The following SLC2A13 variants were observed in gnomAD, a reference collection of about 807,000 sequenced individuals.
SLC2A13 encodes the protein proton myo-inositol cotransporter.
SLC2A13 carries 32 observed loss-of-function variants against 64.4 expected under a neutral mutation model. The observed-to-expected ratio is 0.50, with a 90% CI of 0.37 to 0.67. The LOEUF is 0.67. Ranked by LOEUF, SLC2A13 falls within the 30% of genes least tolerant of loss-of-function variation. The probability of loss-of-function intolerance (pLI) is 0.00; values close to 1 mark genes in which losing one functional copy is unlikely to be tolerated. For synonymous variants in SLC2A13, 338 were observed against 327.1 expected (o/e 1.03, Z -0.36); for missense variants, 743 against 829.2 (o/e 0.90, Z 1.28).
At chr12:40,057,001 A>C (rs991710435) in intron 1 of SLC2A13, among the ~76,000 whole-genome samples, 4 of 152,166 alleles carry the variant, frequency 2.6e-5, no homozygotes, top group African/African-American at 9.7e-5. Context: ...CAAAACAAAC[A>C]AACAAAAAAA....
intron 6 of SLC2A13, among the ~76,000 whole-genome samples, chr12:39,856,883 C>A (rs956682848): frequency 6.6e-6 from 1 of 152,066 alleles, no homozygotes; most frequent in Non-Finnish European, 1.5e-5. Context: ...TTTTTAGGGG[C>A]CTTGTTTCAT....
chr12:40,032,146 T>C (rs1947915133), intron 2 of SLC2A13, among the ~76,000 whole-genome samples: 1 of 152,154 alleles, frequency 6.6e-6, no homozygotes, highest in South Asian at 2.1e-4. Flanking sequence ...GGAGTTGTTT[T>C]ATTAAAAGCT....
chr12:39,840,121 T>G (rs1032052967), intron 6 of SLC2A13, among the ~76,000 whole-genome samples: 3 of 152,042 alleles, frequency 2.0e-5, no homozygotes, highest in African/African-American at 7.2e-5. Flanking sequence ...AACCTCCGCC[T>G]CCTGGGTTTA....
chr12:40,099,898 T>C (rs999967045), intron 1 of SLC2A13, among the ~76,000 whole-genome samples: 3 of 148,960 alleles, frequency 2.0e-5, no homozygotes, highest in South Asian at 2.1e-4. Context: ...TGGGGAGTAG[T>C]GGAAAAAAAA....
chr12:40,007,177 A>G (rs1346158885), intron 3 of SLC2A13, among the ~76,000 whole-genome samples: 1 of 152,206 alleles, frequency 6.6e-6, no homozygotes, highest in African/African-American at 2.4e-5. Context: ...AAGTGGGCAC[A>G]TAGATGCTGC....
rs1312476077 is a variant in SLC2A13 at position 39,837,501 on chromosome 12, A to C, written c.1320-7273T>G. On this transcript the variant is annotated intron_variant, in intron 6 of 9. Coordinates refer to ENST00000280871, the MANE Select transcript of SLC2A13 (RefSeq NM_052885.4). ...CAAAATTGACAAATGGGATCTAATT[A>C]AACTAAAGAGCTTCTGCACAGCAAA... is the stretch of plus-strand genomic sequence containing the variant. Among the ~76,000 whole-genome samples the C allele has an allele frequency of 5.7e-3, 803 of 140,588 alleles. 10 individuals are homozygous for C. The highest frequency in any genetic ancestry group is 0.02 in the African/African-American group (757 of 37,228). The allele number at this position is 140,588 out of a possible 152,430, so 92.2% of individuals were successfully genotyped here. A position where few individuals can be genotyped will look rare whatever the true frequency, so the allele number is the denominator to read the frequency against.
intron 3 of SLC2A13, among the ~76,000 whole-genome samples, chr12:39,954,038 A>G (rs1335889199): frequency 1.3e-5 from 2 of 152,246 alleles, no homozygotes; most frequent in Non-Finnish European, 2.9e-5. Flanking sequence ...CTAAGACAGA[A>G]TAATGGCTAT....
At chr12:40,044,014 G>A (rs1047542079) in intron 2 of SLC2A13, among the ~76,000 whole-genome samples, 28 of 152,076 alleles carry the variant, frequency 1.8e-4, no homozygotes, top group African/African-American at 6.3e-4. Flanking sequence ...AGAAGTAAAC[G>A]CTTATGTCTA....
intron 3 of SLC2A13, among the ~76,000 whole-genome samples, chr12:40,010,754 T>C (rs978547032): frequency 2.0e-5 from 3 of 152,202 alleles, no homozygotes; most frequent in African/African-American, 7.2e-5. Context: ...TCTGTAATAG[T>C]TGATTCTACT....
chr12:39,768,858 C>CA, intron 7 of SLC2A13, among the ~76,000 whole-genome samples: 1 of 152,122 alleles, frequency 6.6e-6, no homozygotes, highest in Admixed American at 6.6e-5. Flanking sequence ...TGGCTTGATG[C>CA]AGGGCTGCCA....
intron 6 of SLC2A13, among the ~76,000 whole-genome samples, chr12:39,856,526 G>A (rs1308731492): frequency 6.6e-6 from 1 of 152,018 alleles, no homozygotes; most frequent in East Asian, 1.9e-4. Context: ...ATGCCACCAT[G>A]CCCAGCTAAT....
At chr12:40,088,616 GTATGTA>G (rs1417311335) in intron 1 of SLC2A13, among the ~76,000 whole-genome samples, 1 of 152,132 alleles carries the variant, frequency 6.6e-6, no homozygotes. Context: ...AGCAAGCACA[GTATGTA>G]TATTGCATGT....
intron 9 of SLC2A13, among the ~76,000 whole-genome samples, chr12:39,764,244 C>T (rs1337778367): frequency 1.1e-4 from 17 of 151,998 alleles, no homozygotes; most frequent in Admixed American, 1.1e-3. Context: ...GCCCTAAGCA[C>T]TGTGGAACAA....
intron 7 of SLC2A13, among the ~76,000 whole-genome samples, chr12:39,828,358 G>A (rs575961288): frequency 6.6e-6 from 1 of 151,066 alleles, no homozygotes; most frequent in Non-Finnish European, 1.5e-5. Flanking sequence ...TTAGTTATCT[G>A]TGCCTTACTT....
At chr12:39,814,556 C>T (rs1942284146) in intron 7 of SLC2A13, among the ~76,000 whole-genome samples, 1 of 151,916 alleles carries the variant, frequency 6.6e-6, no homozygotes, top group African/African-American at 2.4e-5. Context: ...CTGAAGAATG[C>T]TTTGGTAGAA....
At chr12:40,059,144 T>C (rs1948378597) in intron 1 of SLC2A13, among the ~76,000 whole-genome samples, 1 of 152,184 alleles carries the variant, frequency 6.6e-6, no homozygotes, top group South Asian at 2.1e-4. Flanking sequence ...TGAGGTAATA[T>C]AACTTTTGGC....
chr12:39,857,200 T>A (rs1272639277), intron 6 of SLC2A13, among the ~76,000 whole-genome samples: 2 of 152,194 alleles, frequency 1.3e-5, no homozygotes, highest in African/African-American at 4.8e-5. Context: ...TTCTCAGAAG[T>A]CTTTTAAGTT....
At chr12:39,882,077 T>G (rs934522797) in intron 4 of SLC2A13, among the ~76,000 whole-genome samples, 1 of 152,192 alleles carries the variant, frequency 6.6e-6, no homozygotes, top group Non-Finnish European at 1.5e-5. Flanking sequence ...GTCACTCTCA[T>G]GTAGACTTTA....
At chr12:40,084,578 T>C (rs1298431268) in intron 1 of SLC2A13, among the ~76,000 whole-genome samples, 1 of 152,204 alleles carries the variant, frequency 6.6e-6, no homozygotes, top group Non-Finnish European at 1.5e-5. Flanking sequence ...AGCATTCTAT[T>C]GAAAGTTAAA....
Sources: allele counts gnomAD v4.1 joint callset (sites outside exome capture counted in the v4.1 genomes callset), GRCh38; gene constraint gnomAD v4.1.1; transcripts MANE v1.5; gene names NCBI Gene and HGNC (gene_info 2026-07-23, HGNC 2026-07-21).